GSE1: variants seen among roughly 807,000 people sequenced by gnomAD.
GSE1 encodes the protein genetic suppressor element 1.
Under a neutral mutation model 112.6 loss-of-function variants are expected in GSE1, and 32 were observed. The observed-to-expected ratio is 0.28, with a 90% CI of 0.21 to 0.38. The LOEUF is 0.38. GSE1 is among the 10% of genes least tolerant of loss of function. The pLI is 1.00. For missense variants in GSE1, 2,348 were observed against 1,699.2 expected (o/e 1.38, Z -6.71); for synonymous variants, 1,115 against 735.6 (o/e 1.52, Z -8.35).
upstream of GSE1, chr16:85,169,517 G>A: frequency 1.2e-6 from 1 of 819,968 alleles, no homozygotes; most frequent in Non-Finnish European, 1.5e-6. Flanking sequence ...GGGCGGCGCG[G>A]CGCGGCCATG....
At position 85,532,141 on chromosome 16, in the gene GSE1, T is replaced by A. The variant is rs551885374; in HGVS notation, c.2465-101773T>A. ...GTGTATTGGTTCTGTATATTAGCTTTTTCATCCTCACAACTTTGATAACCC... is the reference window on the plus strand; with the variant it reads ...GTGTATTGGTTCTGTATATTAGCTTATTCATCCTCACAACTTTGATAACCC... On this transcript the variant is annotated intron_variant, in intron 2 of 2. Coordinates refer to the GSE1 transcript ENST00000637419. Among the ~76,000 whole-genome samples the A allele has an allele frequency of 5.3e-5, 8 of 152,308 alleles. No homozygotes were observed. The East Asian group carries it at 1.5e-3, about 29-fold the overall frequency.
rs1452530081 is a variant in GSE1, at chr16:85,673,571, A to AAAAGT, written c.*1036_*1040dup. 2.6e-5 allele frequency: 4 copies of AAAAGT among 152,226 alleles called. No individual in the cohort carries two copies. The highest frequency in any genetic ancestry group is 6.5e-5 in the Admixed American group (1 of 15,280). 9.4% of individuals were successfully genotyped at this position (152,226 alleles called of 1,614,324 possible). A position where few individuals can be genotyped will look rare whatever the true frequency, so the allele number is the denominator to read the frequency against. Reference sequence around the variant, plus strand: ...GTGTTTTTAAAAATTAAAGAAGAAGAAAAGTAAAAGAGCTTACCACTGGCG... The same window carrying AAAAGT: ...GTGTTTTTAAAAATTAAAGAAGAAGAAAAGTAAAGTAAAAGAGCTTACCACTGGCG... On this transcript the variant is annotated 3_prime_UTR_variant, in exon 16 of 16. Transcript: ENST00000253458.
upstream of GSE1, chr16:85,555,642 T>A: frequency 2.1e-6 from 2 of 968,312 alleles, no homozygotes; most frequent in Non-Finnish European, 2.4e-6. Context: ...AAAGCCGATT[T>A]CTCCTTGGCA....
upstream of GSE1, among the ~76,000 whole-genome samples, chr16:85,551,728 G>C (rs964924168): frequency 2.6e-5 from 4 of 152,372 alleles, no homozygotes; most frequent in African/African-American, 9.6e-5. Context: ...CCCAGATCCA[G>C]GGCCAAAGGA....
At chr16:85,304,205 C>G (rs1037450604) in intron 1 of GSE1, among the ~76,000 whole-genome samples, 3 of 152,228 alleles carry the variant, frequency 2.0e-5, no homozygotes, top group Non-Finnish European at 4.4e-5. Flanking sequence ...AGCCGTCCTG[C>G]TTTATGCCGG....
At chr16:85,486,316 C>CTT (rs10686792) in intron 2 of GSE1, among the ~76,000 whole-genome samples, 5 of 151,324 alleles carry the variant, frequency 3.3e-5, no homozygotes, top group Non-Finnish European at 7.4e-5. Context: ...TACGCACACT[C>CTT]CTGCTCTTGC....
chr16:85,586,863 C>T (rs553818699), intron 1 of GSE1, among the ~76,000 whole-genome samples: 9 of 152,350 alleles, frequency 5.9e-5, no homozygotes, highest in African/African-American at 2.2e-4. Context: ...GTGCAGAAGG[C>T]ACAGTAGCTA....
chr16:85,540,234 G>T (rs529243151), intron 2 of GSE1, among the ~76,000 whole-genome samples: 2 of 152,338 alleles, frequency 1.3e-5, no homozygotes, highest in East Asian at 3.9e-4. Context: ...GGACGTACAC[G>T]TCTGGTAGGT....
At chr16:85,368,805 C>T (rs929466232) in intron 2 of GSE1, among the ~76,000 whole-genome samples, 3 of 152,090 alleles carry the variant, frequency 2.0e-5, no homozygotes, top group Non-Finnish European at 4.4e-5. Context: ...AGGGGGCTTC[C>T]CAGACTGATT....
intron 2 of GSE1, among the ~76,000 whole-genome samples, chr16:85,381,618 G>A (rs1316561720): frequency 1.3e-5 from 2 of 152,228 alleles, no homozygotes; most frequent in Non-Finnish European, 2.9e-5. Context: ...AGCAAACTGA[G>A]GCTATGTGGG....
At chr16:85,650,766 G>A (rs778286674) in intron 3 of GSE1, among the ~76,000 whole-genome samples, 66 of 152,156 alleles carry the variant, frequency 4.3e-4, no homozygotes, top group Non-Finnish European at 7.9e-4. Context: ...TAATCCTCTC[G>A]GAGTGGGGAG....
rs374883196 is a variant in GSE1 at position 85,665,080 on chromosome 16, G to A, written c.2710G>A (p.Asp904Asn). ...GAAGGCACTGTCAGCAGCAGTGGCC[G>A]ACTCCTTGACAAACTCTCCGAGGGA... Reference protein sequence around the residue: ...KQKALSAAVADSLTNSPRDSP... With the variant: ...KQKALSAAVANSLTNSPRDSP... The change falls in exon 12 of 16, where the codon GAC becomes AAC. Residue 904 changes from aspartate to asparagine, a missense_variant. Transcript: ENST00000253458. 156 of 1,612,332 alleles carry A rather than the reference G, an allele frequency of 9.7e-5. 2 individuals carry two copies. Among genetic ancestry groups the A allele is most frequent in the South Asian group, 8.3e-4 (76 of 91,052 alleles).
At chr16:85,563,188 C>A (rs1326942568) in intron 1 of GSE1, among the ~76,000 whole-genome samples, 3 of 140,182 alleles carry the variant, frequency 2.1e-5, no homozygotes, top group African/African-American at 6.1e-5. Context: ...TCCTCCTCTT[C>A]CTTTTTTTTT....
chr16:85,618,641 C>A (rs1190498721), intron 1 of GSE1, among the ~76,000 whole-genome samples: 1 of 152,240 alleles, frequency 6.6e-6, no homozygotes, highest in Non-Finnish European at 1.5e-5. Flanking sequence ...CTCTGCAAAG[C>A]CTTGCGGCTA....
At chr16:85,171,345 G>C in exon 1 of GSE1, 1 of 985,588 alleles carries the variant, frequency 1.0e-6, no homozygotes, top group Non-Finnish European at 1.2e-6. Context: ...AGGAGTTCCA[G>C]CTCAACGTGA....
intron 2 of GSE1, among the ~76,000 whole-genome samples, chr16:85,433,550 A>G (rs182603070): frequency 7.9e-5 from 12 of 152,148 alleles, no homozygotes; most frequent in Admixed American, 3.3e-4. Context: ...CTCTGACCAG[A>G]TGAAGGCTGT....
At chr16:85,385,858 G>C (rs1409321235) in intron 2 of GSE1, among the ~76,000 whole-genome samples, 3 of 152,204 alleles carry the variant, frequency 2.0e-5, no homozygotes, top group African/African-American at 7.2e-5. Flanking sequence ...GACGGCTCCA[G>C]CTCCAGCTCC....
chr16:85,290,184 T>G (rs1212424143), intron 1 of GSE1, among the ~76,000 whole-genome samples: 1 of 152,154 alleles, frequency 6.6e-6, no homozygotes, highest in Non-Finnish European at 1.5e-5. Flanking sequence ...TCGTCCCCTT[T>G]GTGGCACTCC....
intron 1 of GSE1, among the ~76,000 whole-genome samples, chr16:85,329,665 G>A (rs1385987373): frequency 1.3e-5 from 2 of 151,932 alleles, no homozygotes; most frequent in East Asian, 3.9e-4. Context: ...TGTTCTGAGG[G>A]GATTAGGCCG....
Sources: gnomAD v4.1 joint callset for allele counts (sites outside exome capture counted in the v4.1 genomes callset) on GRCh38, gnomAD v4.1.1 for gene constraint, MANE v1.5 for transcripts, NCBI Gene and HGNC (gene_info 2026-07-23, HGNC 2026-07-21) for gene names.